Variants in CNIH3 observed in about 807,000 individuals in gnomAD.
CNIH3 encodes protein cornichon homolog 3.
CNIH3 carries 14 observed loss-of-function variants against 24.1 expected under a neutral mutation model. The ratio of observed to expected loss-of-function variants is 0.58; its 90% CI spans 0.38 to 0.91. The LOEUF is 0.91. Among genes scored for constraint, CNIH3 ranks in the 40% least tolerant of loss-of-function variants. CNIH3 has a pLI of 0.00. For synonymous variants in CNIH3, 68 were observed against 73.8 expected (o/e 0.92, Z 0.40); for missense variants, 178 against 196.8 (o/e 0.90, Z 0.57).
At chr1:224,556,178 C>T (rs1680131669) in intron 3 of CNIH3, among the ~76,000 whole-genome samples, 1 of 141,648 alleles carries the variant, frequency 7.1e-6, no homozygotes, top group Admixed American at 7.1e-5. Flanking sequence ...GTTTTCCTAT[C>T]TTTTTTTTTT....
At chr1:224,474,635 A>G (rs528826581) in intron 1 of CNIH3, among the ~76,000 whole-genome samples, 1 of 152,248 alleles carries the variant, frequency 6.6e-6, no homozygotes, top group African/African-American at 2.4e-5. Flanking sequence ...AATGAAGAAA[A>G]CAATACAAAA....
chr1:224,592,162 ATGTG>A (rs145234564), downstream of CNIH3, among the ~76,000 whole-genome samples: 3 of 150,190 alleles, frequency 2.0e-5, no homozygotes, highest in Admixed American at 6.7e-5. Context: ...ATGTGTGTGT[ATGTG>A]TGTGTGTGTG....
At chr1:224,576,360 G>A (rs60681998) in intron 4 of CNIH3, among the ~76,000 whole-genome samples, 3,240 of 152,268 alleles carry the variant, frequency 0.021, 101 homozygotes, top group African/African-American at 0.072. Flanking sequence ...TAGTAAAAGC[G>A]AAGAGCTTGA....
intron 3 of CNIH3, among the ~76,000 whole-genome samples, chr1:224,699,085 A>G (rs1481049027): frequency 6.6e-6 from 1 of 152,152 alleles, no homozygotes; most frequent in Non-Finnish European, 1.5e-5. Context: ...ACGTTTCCCT[A>G]CTTTTCCCAG....
chr1:224,533,596 G>A (rs939035532), intron 2 of CNIH3, among the ~76,000 whole-genome samples: 1 of 152,170 alleles, frequency 6.6e-6, no homozygotes, highest in African/African-American at 2.4e-5. Flanking sequence ...CTCGAGGGGA[G>A]AATCTGTTGT....
intron 3 of CNIH3, among the ~76,000 whole-genome samples, chr1:224,720,341 G>A (rs551967007): frequency 6.6e-6 from 1 of 151,680 alleles, no homozygotes; most frequent in South Asian, 2.1e-4. Flanking sequence ...CTCTGTTAAG[G>A]AGCATAGCGG....
intron 3 of CNIH3, among the ~76,000 whole-genome samples, chr1:224,723,682 C>T (rs183529659): frequency 6.6e-6 from 1 of 152,212 alleles, no homozygotes; most frequent in African/African-American, 2.4e-5. Flanking sequence ...TATTTTCCTT[C>T]GTGTTCCTGG....
intron 1 of CNIH3, among the ~76,000 whole-genome samples, chr1:224,457,269 CTCTCTCTGTGTGTGTG>C (rs1368311355): frequency 8.9e-4 from 93 of 104,692 alleles, no homozygotes; most frequent in South Asian, 1.0e-3. Flanking sequence ...GCCCTCCTCT[CTCTCTCTGTGTGTGTG>C]TGTGTGTGTG....
At chr1:224,632,754 C>T (rs560515021) in intron 1 of CNIH3, among the ~76,000 whole-genome samples, 56 of 152,050 alleles carry the variant, frequency 3.7e-4, no homozygotes, top group African/African-American at 1.3e-3. Flanking sequence ...TTACAGGTTC[C>T]GGAGAGTGAT....
intron 1 of CNIH3, among the ~76,000 whole-genome samples, chr1:224,647,085 C>T (rs1384614147): frequency 6.6e-6 from 1 of 152,160 alleles, no homozygotes; most frequent in Non-Finnish European, 1.5e-5. Context: ...CTCCTGGGTC[C>T]AAGCGATTCT....
At chr1:224,636,249 T>C (rs573475959) in intron 1 of CNIH3, among the ~76,000 whole-genome samples, 3 of 147,044 alleles carry the variant, frequency 2.0e-5, no homozygotes, top group African/African-American at 8.2e-5. Flanking sequence ...ATATTTGTTT[T>C]CTTTTAATTT....
chr1:224,635,255 G>A (rs188776636), intron 1 of CNIH3, among the ~76,000 whole-genome samples: 1 of 152,184 alleles, frequency 6.6e-6, no homozygotes, highest in East Asian at 1.9e-4. Context: ...GGGGGAATCT[G>A]CACCCATGAT....
chr1:224,671,270 T>G (rs1685852350), intron 1 of CNIH3, among the ~76,000 whole-genome samples: 2 of 152,218 alleles, frequency 1.3e-5, no homozygotes, highest in Admixed American at 6.5e-5. Context: ...AGGGCAAGAC[T>G]CTGGGCCTCT....
intron 1 of CNIH3, among the ~76,000 whole-genome samples, chr1:224,472,029 G>A (rs1676394310): frequency 6.6e-6 from 1 of 152,220 alleles, no homozygotes; most frequent in South Asian, 2.1e-4. Context: ...AAACATGGAA[G>A]TGCAGATATC....
intron 1 of CNIH3, among the ~76,000 whole-genome samples, chr1:224,673,766 A>C (rs181760095): frequency 1.2e-3 from 179 of 152,024 alleles, no homozygotes; most frequent in Non-Finnish European, 1.8e-3. Flanking sequence ...GTCCTAGAGA[A>C]CCAAAAATGG....
chr1:224,440,968 CA>C (rs1274441180), intron 1 of CNIH3, among the ~76,000 whole-genome samples: 4 of 152,168 alleles, frequency 2.6e-5, no homozygotes, highest in African/African-American at 9.7e-5. Context: ...AGGCGTCCGC[CA>C]CCATGCCCGG....
chr1:224,600,070 A>C lies in CNIH3; in HGVS notation n.402+33806A>C, dbSNP rs1375981327. Reference sequence around the variant, plus strand: ...TCTAGAATGCAATGTATGCTTATATAGGTATTATTTCTTAATGCCTATTGA... The same window carrying C: ...TCTAGAATGCAATGTATGCTTATATCGGTATTATTTCTTAATGCCTATTGA... On this transcript the variant is annotated intron_variant and non_coding_transcript_variant, in intron 3 of 7. Coordinates refer to the CNIH3 transcript ENST00000478120. Among the ~76,000 whole-genome samples, 12 of 152,298 alleles carry C rather than the reference A, an allele frequency of 7.9e-5. No individual in the cohort carries two copies. The East Asian group carries it at 2.3e-3, about 29-fold the overall frequency.
intron 3 of CNIH3, among the ~76,000 whole-genome samples, chr1:224,721,434 G>A (rs552551245): frequency 1.6e-4 from 24 of 152,256 alleles, no homozygotes; most frequent in African/African-American, 5.5e-4. Flanking sequence ...GAAGCTACAA[G>A]TGTTAAGAAG....
intron 3 of CNIH3, among the ~76,000 whole-genome samples, chr1:224,548,215 C>T (rs1679778884): frequency 6.6e-6 from 1 of 151,816 alleles, no homozygotes; most frequent in Admixed American, 6.6e-5. Context: ...GGGTGTACAC[C>T]CTGTGATATT....
Sources: allele counts gnomAD v4.1 joint callset (sites outside exome capture counted in the v4.1 genomes callset), GRCh38; gene constraint gnomAD v4.1.1; transcripts MANE v1.5; gene names NCBI Gene and HGNC (gene_info 2026-07-23, HGNC 2026-07-21).